THBS4: variants seen among roughly 807,000 people sequenced by gnomAD.
THBS4 encodes the protein thrombospondin-4.
A neutral mutation model predicts 115.7 loss-of-function variants in THBS4; 90 were observed. The observed-to-expected ratio is 0.78, with a 90% CI of 0.66 to 0.93. THBS4 has a LOEUF of 0.93. THBS4 is among the 40% of genes least tolerant of loss of function. The pLI, the probability that THBS4 is intolerant of heterozygous loss-of-function variation, is 0.00. For synonymous variants in THBS4, 460 were observed against 479.3 expected, an observed-to-expected ratio of 0.96 and a Z score of 0.53; for missense variants, 1,087 against 1,232.7, an observed-to-expected ratio of 0.88 and a Z score of 1.77.
chr5:80,024,750 C>T (rs1412219627), intron 2 of THBS4, among the ~76,000 whole-genome samples: 1 of 152,160 alleles, frequency 6.6e-6, no homozygotes, highest in Non-Finnish European at 1.5e-5. Context: ...TTTGGCTTCA[C>T]ATAATATGTG....
At chr5:80,065,326 G>T in intron 8 of THBS4, 83 bp from the exon 9 acceptor site, 1 of 1,289,454 alleles carries the variant, frequency 7.8e-7, no homozygotes, top group African/African-American at 1.5e-5. Context: ...TTCACACAAA[G>T]ATAGCAAAAC....
At chr5:80,066,937 G>A (rs924597638) in intron 9 of THBS4, 3 of 152,214 alleles carry the variant, frequency 2.0e-5, no homozygotes, top group Non-Finnish European at 4.4e-5. Context: ...CTGAAAGATC[G>A]AGACAAGTCA....
intron 20 of THBS4, 44 bp downstream of exon 20, chr5:80,080,121 C>A (rs1274580598): frequency 6.3e-7 from 1 of 1,579,674 alleles, no homozygotes; most frequent in Non-Finnish European, 8.6e-7. Flanking sequence ...AGAAGCAAAG[C>A]ATTCTCCGTT....
chr5:80,026,030 A>G (rs1832469847), intron 2 of THBS4, among the ~76,000 whole-genome samples: 1 of 152,242 alleles, frequency 6.6e-6, no homozygotes, highest in Admixed American at 6.5e-5. Context: ...CATGCATGAT[A>G]AAGCACATGC....
chr5:80,036,042 G>A (rs1832709983), intron 1 of THBS4: 1 of 995,032 alleles, frequency 1.0e-6, no homozygotes, highest in Non-Finnish European at 1.2e-6. Context: ...TATGCCCAGA[G>A]TCTGCTCTTG....
chr5:80,056,347 T>C (rs1833432634), intron 3 of THBS4, among the ~76,000 whole-genome samples: 1 of 152,160 alleles, frequency 6.6e-6, no homozygotes, highest in Non-Finnish European at 1.5e-5. Flanking sequence ...CTGGATACAA[T>C]TGTAACGTTG....
intron 1 of THBS4, chr5:80,036,279 G>A: frequency 1.2e-6 from 1 of 859,036 alleles, no homozygotes; most frequent in Non-Finnish European, 1.4e-6. Context: ...GATTAAGGCA[G>A]GAACAGAAAA....
At chr5:79,994,755 G>A (rs565669179) in intron 1 of THBS4, among the ~76,000 whole-genome samples, 3 of 152,304 alleles carry the variant, frequency 2.0e-5, no homozygotes, top group Admixed American at 6.5e-5. Context: ...GCAGTGAGCC[G>A]TGATTGTGCA....
At chr5:80,042,584 G>C (rs974792796) in intron 2 of THBS4, among the ~76,000 whole-genome samples, 3 of 152,226 alleles carry the variant, frequency 2.0e-5, no homozygotes, top group African/African-American at 7.2e-5. Flanking sequence ...GTATAGACAA[G>C]AGTAACACTG....
intron 8 of THBS4, 42 bp from the exon 9 acceptor site, chr5:80,065,367 C>T (rs1216387952): frequency 1.3e-6 from 2 of 1,537,990 alleles, no homozygotes; most frequent in South Asian, 1.1e-5. Flanking sequence ...TCTATTTAAG[C>T]AGCATGTCTC....
At chr5:80,079,786 G>A (rs1167726836) in intron 19 of THBS4, 119 bp from the exon 20 acceptor site, 3 of 1,093,558 alleles carry the variant, frequency 2.7e-6, no homozygotes, top group Non-Finnish European at 4.0e-6. Context: ...GCTTTGTTCT[G>A]AATCCAAGGC....
At chr5:80,058,544 A>ATT (rs3214681) in intron 4 of THBS4, among the ~76,000 whole-genome samples, 164 bp from the exon 5 acceptor site, 4,458 of 151,946 alleles carry the variant, frequency 0.029, 80 homozygotes, top group Non-Finnish European at 0.048. Context: ...CATTATCATT[A>ATT]TTTTTTTTAG....
chr5:80,068,420 A>T, intron 10 of THBS4: 1 of 331,596 alleles, frequency 3.0e-6, no homozygotes, highest in South Asian at 3.6e-5. Flanking sequence ...CTTCTATGGA[A>T]AGGCCCAGAA....
chr5:80,064,626 G>C, intron 8 of THBS4, among the ~76,000 whole-genome samples: 1 of 152,114 alleles, frequency 6.6e-6, no homozygotes, highest in East Asian at 1.9e-4. Flanking sequence ...AGCAACCTTG[G>C]GAGGTTGAGG....
intron 2 of THBS4, among the ~76,000 whole-genome samples, chr5:80,043,597 C>G (rs1561305898): frequency 6.6e-6 from 1 of 152,156 alleles, no homozygotes; most frequent in Non-Finnish European, 1.5e-5. Flanking sequence ...AAGTCCAGGA[C>G]TGGGAGATGA....
intron 2 of THBS4, among the ~76,000 whole-genome samples, chr5:80,027,894 CAAAAAAAAAA>C: frequency 2.1e-5 from 1 of 47,716 alleles, no homozygotes; most frequent in South Asian, 8.3e-4. Context: ...ACCCTGTCTC[CAAAAAAAAAA>C]AAAAAAAAAA....
At chr5:80,040,366 C>T (rs1458555341) in intron 2 of THBS4, 86 bp downstream of exon 2, 2 of 1,052,038 alleles carry the variant, frequency 1.9e-6, no homozygotes, top group East Asian at 6.1e-5. Context: ...AGATGGTTTC[C>T]TTGTACAATT....
chr5:80,052,178 A>C (rs1218855135), intron 2 of THBS4, among the ~76,000 whole-genome samples: 1 of 152,204 alleles, frequency 6.6e-6, no homozygotes, highest in Non-Finnish European at 1.5e-5. Context: ...GTTAGTGCAT[A>C]TGTTTGGACT....
chr5:80,055,086 C>A (rs779009851), intron 2 of THBS4, among the ~76,000 whole-genome samples: 3 of 152,070 alleles, frequency 2.0e-5, no homozygotes, highest in Non-Finnish European at 2.9e-5. Flanking sequence ...CTTTGGGAGG[C>A]CGAGGCAGGT....
Sources: gnomAD v4.1 joint callset for allele counts (sites outside exome capture counted in the v4.1 genomes callset) on GRCh38, gnomAD v4.1.1 for gene constraint, MANE v1.5 for transcripts, NCBI Gene and HGNC (gene_info 2026-07-23, HGNC 2026-07-21) for gene names.